The following INPP4B variants were observed in gnomAD, a reference collection of about 807,000 sequenced individuals.
The protein encoded by INPP4B is inositol polyphosphate-4-phosphatase type II B.
In INPP4B, 55 loss-of-function variants were observed where a neutral mutation model predicts 122.5. The observed-to-expected ratio is 0.45, with a 90% CI of 0.36 to 0.56. The LOEUF is 0.56. INPP4B is among the 20% of genes least tolerant of loss of function. INPP4B has a pLI of 0.00. For synonymous variants in INPP4B, 403 were observed against 388.7 expected, an observed-to-expected ratio of 1.04 and a Z score of -0.43; for missense variants, 1,000 against 1,097.7, an observed-to-expected ratio of 0.91 and a Z score of 1.26.
At chr4:142,532,811 A>G (rs578076500) in intron 2 of INPP4B, among the ~76,000 whole-genome samples, 248 of 152,334 alleles carry the variant, frequency 1.6e-3, no homozygotes, top group African/African-American at 5.6e-3. Context: ...TGAAATGGAT[A>G]CTTGTAAAAA....
intron 25 of INPP4B, among the ~76,000 whole-genome samples, chr4:142,071,875 T>C (rs1311450404): frequency 1.3e-5 from 2 of 152,154 alleles, no homozygotes; most frequent in Non-Finnish European, 2.9e-5. Flanking sequence ...AGGAACACCT[T>C]TACACTATTG....
intron 1 of INPP4B, among the ~76,000 whole-genome samples, chr4:142,814,521 CT>C (rs1233641983): frequency 6.6e-6 from 1 of 152,086 alleles, no homozygotes; most frequent in Non-Finnish European, 1.5e-5. Context: ...TGTAATCTCT[CT>C]GTTTTTCTCC....
intron 1 of INPP4B, among the ~76,000 whole-genome samples, chr4:142,838,447 T>C (rs1217260685): frequency 1.3e-5 from 2 of 152,108 alleles, no homozygotes. Flanking sequence ...GAGTGTATAC[T>C]CTTCTTTACT....
intron 1 of INPP4B, among the ~76,000 whole-genome samples, chr4:142,845,377 A>C (rs34804364): frequency 0.054 from 8,270 of 152,240 alleles, 269 homozygotes; most frequent in Middle Eastern, 0.13. Context: ...CCAGGCTCCC[A>C]GACATTCCCC....
At chr4:142,373,229 A>G (rs962397282) in intron 7 of INPP4B, among the ~76,000 whole-genome samples, 1 of 152,026 alleles carries the variant, frequency 6.6e-6, no homozygotes, top group Non-Finnish European at 1.5e-5. Context: ...GTGCCCTTTC[A>G]TAAAGCAGAA....
intron 14 of INPP4B, among the ~76,000 whole-genome samples, chr4:142,202,499 C>A (rs530947790): frequency 1.3e-5 from 2 of 152,132 alleles, no homozygotes; most frequent in East Asian, 3.9e-4. Context: ...CATAATTATG[C>A]TTCACTGATG....
Position 142,112,577 on chromosome 4 carries a change from A to G in INPP4B, c.2241T>C (p.Asn747=). ...QLLHVYPVLF[N]VGINEQQTLA... ...GAGTTTGCTGTTCATTGATTCCAAC[A>G]TTAAAAAGTACTGGATACACATGAA... Residue 747 remains asparagine, a synonymous_variant, in exon 22 of 26, where the codon AAT becomes AAC. Transcript: ENST00000262992. 6.2e-7 allele frequency: 1 copy of G among 1,613,234 alleles called. No individual in the cohort carries two copies. The highest frequency in any genetic ancestry group is 8.5e-7 in the Non-Finnish European group (1 of 1,179,494).
intron 12 of INPP4B, among the ~76,000 whole-genome samples, chr4:142,232,690 G>A (rs1319447547): frequency 6.6e-6 from 1 of 151,972 alleles, no homozygotes. Context: ...AAGTGAGGAA[G>A]GCATGTCAAA....
At chr4:142,757,804 G>T (rs191542738) in intron 1 of INPP4B, among the ~76,000 whole-genome samples, 3 of 152,152 alleles carry the variant, frequency 2.0e-5, no homozygotes, top group Non-Finnish European at 4.4e-5. Flanking sequence ...CTTAGGGTAA[G>T]AATATATTTG....
In INPP4B at chr4:142,082,179, G is replaced by A. The variant is rs752612658; in HGVS notation, c.2494C>T (p.Arg832Cys). Residue 832 changes from arginine (R) to cysteine (C), a missense_variant, in exon 25 of 26, where the codon CGC (arginine) becomes TGC (cysteine). Coordinates refer to ENST00000262992, the MANE Select transcript of INPP4B (RefSeq NM_001101669.3). ...EIMWLAATIC[R>C]KLNGIRFTCC... ...GTGAAACGAATACCATTCAGTTTGCGGCAAATCTGTAACATATGTAAGAAC... is the reference window on the plus strand; with the variant it reads ...GTGAAACGAATACCATTCAGTTTGCAGCAAATCTGTAACATATGTAAGAAC... 1.3e-6 allele frequency: 2 copies of A among 1,509,036 alleles called. No homozygotes were observed. The highest frequency in any genetic ancestry group is 1.3e-5 in the South Asian group (1 of 75,402). 93.5% of individuals were successfully genotyped at this position (1,509,036 alleles called of 1,614,324 possible). A position where few individuals can be genotyped will look rare whatever the true frequency, so the allele number is the denominator to read the frequency against.
intron 17 of INPP4B, among the ~76,000 whole-genome samples, chr4:142,156,282 T>C (rs954607289): frequency 2.6e-5 from 4 of 152,100 alleles, no homozygotes; most frequent in Admixed American, 6.6e-5. Context: ...CCTATCACTA[T>C]AGTAATTTTG....
intron 2 of INPP4B, among the ~76,000 whole-genome samples, chr4:142,539,082 T>TTA (rs58073799): frequency 0.015 from 2,298 of 148,784 alleles, 26 homozygotes; most frequent in Non-Finnish European, 0.022. Flanking sequence ...AATTGTTATT[T>TTA]TATATATATA....
intron 7 of INPP4B, among the ~76,000 whole-genome samples, chr4:142,388,157 T>C (rs1796541217): frequency 6.6e-6 from 1 of 152,238 alleles, no homozygotes; most frequent in Non-Finnish European, 1.5e-5. Context: ...TGTATACTTG[T>C]GGTTAAGTTA....
intron 5 of INPP4B, among the ~76,000 whole-genome samples, chr4:142,417,669 G>A (rs1161059491): frequency 6.6e-6 from 1 of 152,062 alleles, no homozygotes; most frequent in South Asian, 2.1e-4. Flanking sequence ...TAATACCATT[G>A]GAGAATCACT....
intron 23 of INPP4B, among the ~76,000 whole-genome samples, chr4:142,093,837 A>G (rs1490939331): frequency 6.6e-6 from 1 of 152,144 alleles, no homozygotes; most frequent in East Asian, 1.9e-4. Context: ...TTTGACATAC[A>G]CACTTTCAGT....
chr4:142,139,601 C>T (rs949523580), intron 18 of INPP4B, among the ~76,000 whole-genome samples: 1 of 152,178 alleles, frequency 6.6e-6, no homozygotes, highest in Non-Finnish European at 1.5e-5. Flanking sequence ...GCCACCCTGC[C>T]CGGCCCAGTC....
chr4:142,453,675 T>A (rs1033776439), intron 3 of INPP4B, among the ~76,000 whole-genome samples: 1 of 152,178 alleles, frequency 6.6e-6, no homozygotes, highest in African/African-American at 2.4e-5. Context: ...TGCATACACA[T>A]AATGCATCTT....
At chr4:142,259,558 T>A (rs1738591290) in intron 11 of INPP4B, among the ~76,000 whole-genome samples, 1 of 148,252 alleles carries the variant, frequency 6.7e-6, no homozygotes, top group Non-Finnish European at 1.5e-5. Flanking sequence ...GTTTATATTG[T>A]TATAAAACTA....
chr4:142,201,785 G>A (rs76557458), intron 14 of INPP4B, among the ~76,000 whole-genome samples: 4,472 of 151,958 alleles, frequency 0.029, 204 homozygotes, highest in African/African-American at 0.1. Context: ...AAATTCTAAA[G>A]TAACAATTTG....
Sources: gnomAD v4.1 joint callset for allele counts (sites outside exome capture counted in the v4.1 genomes callset) on GRCh38, gnomAD v4.1.1 for gene constraint, MANE v1.5 for transcripts, NCBI Gene and HGNC (gene_info 2026-07-23, HGNC 2026-07-21) for gene names.